KIAA1671: variants seen among roughly 807,000 people sequenced by gnomAD.
The protein encoded by KIAA1671 is KIAA1671, also known as uncharacterized protein KIAA1671.
Under a neutral mutation model 131.2 loss-of-function variants are expected in KIAA1671, and 52 were observed. The observed-to-expected ratio is 0.40, with a 90% CI of 0.32 to 0.50. The LOEUF (loss-of-function observed/expected upper bound fraction) is 0.50, where lower values mean the gene tolerates loss of function less well. Ranked by LOEUF, KIAA1671 falls within the 20% of genes least tolerant of loss-of-function variation. KIAA1671 has a pLI of 0.73. For missense variants in KIAA1671, 2,360 were observed against 2,364.2 expected (o/e 1.00, Z 0.04); for synonymous variants, 1,003 against 961.6 (o/e 1.04, Z -0.80).
At chr22:25,010,699 G>T (rs997735765) in intron 1 of KIAA1671, 1 of 152,140 alleles carries the variant, frequency 6.6e-6, no homozygotes, top group African/African-American at 2.4e-5. Flanking sequence ...GAATCCATTT[G>T]TGCCAAGCTC....
intron 1 of KIAA1671, among the ~76,000 whole-genome samples, chr22:25,005,610 C>G (rs910482383): frequency 1.9e-4 from 29 of 152,168 alleles, no homozygotes; most frequent in African/African-American, 7.0e-4. Context: ...AACCCAAGAC[C>G]TCTACTTTAC....
Position 24,999,977 on chromosome 22 carries a change from C to A in KIAA1671, c.-207-25656C>A, listed in dbSNP as rs1924351975. On this transcript the variant is annotated intron_variant, in intron 1 of 12. Transcript: ENST00000358431. ...TCAGTTCAGTGTAACCTCTGCCTCC[C>A]AGGTTCAAGCTATTCTCCTGCCTTA... Among the ~76,000 whole-genome samples the A allele has an allele frequency of 2.0e-5, 3 of 151,906 alleles. No individual in the cohort carries two copies. The South Asian group carries it at 6.3e-4, about 32-fold the overall frequency.
intron 6 of KIAA1671, among the ~76,000 whole-genome samples, chr22:25,129,663 T>C (rs1375048901): frequency 2.0e-5 from 3 of 146,706 alleles, no homozygotes; most frequent in African/African-American, 2.5e-5. Flanking sequence ...CTTTTCCTTT[T>C]TTTTTTTTTT....
At chr22:25,001,707 A>T (rs1013901446) in intron 1 of KIAA1671, among the ~76,000 whole-genome samples, 2 of 152,150 alleles carry the variant, frequency 1.3e-5, no homozygotes, top group African/African-American at 2.4e-5. Flanking sequence ...CTAACTCACG[A>T]GTCCCTGGAC....
intron 6 of KIAA1671, among the ~76,000 whole-genome samples, chr22:25,132,378 A>T (rs1296733321): frequency 6.6e-6 from 1 of 152,106 alleles, no homozygotes. Flanking sequence ...CAGGGCTGAG[A>T]CCCACTGGGG....
chr22:25,029,154 C>T lies in KIAA1671; in HGVS notation c.1155C>T (p.Pro385=). The T allele has an allele frequency of 4.8e-6, 7 of 1,456,290 alleles. No individual in the cohort carries two copies. The highest frequency in any genetic ancestry group is 6.4e-6 in the Non-Finnish European group (7 of 1,101,932). 90.2% of individuals were successfully genotyped at this position (1,456,290 alleles called of 1,614,324 possible). The change falls in exon 3 of 13, where the codon CCC becomes CCT. Residue 385 remains proline (P), a synonymous_variant. Coordinates refer to ENST00000358431, the MANE Select transcript of KIAA1671 (RefSeq NM_001145206.2). Reference sequence around the variant, plus strand: ...TCACCCCCAGCAATGACCAGAGTCCCTGGGAAGAAAAGGCCAAGCTGGACC... The same window carrying T: ...TCACCCCCAGCAATGACCAGAGTCCTTGGGAAGAAAAGGCCAAGCTGGACC... ...SGVTPSNDQS[P]WEEKAKLDPE... is the part of the protein sequence containing the mutation.
chr22:25,093,055 G>A lies in KIAA1671; in HGVS notation c.4530+43691G>A, dbSNP rs2145880341. ...GTTTTGGAAGCAGACAGGTTCCTGG[G>A]TTTAAGTCCAGCCGGCAAGTGACTA... On this transcript the variant is annotated intron_variant, in intron 6 of 12. Transcript: ENST00000358431. 2.0e-5 allele frequency among the ~76,000 whole-genome samples: 3 copies of A among 152,308 alleles called. 1 individual carries two copies. The South Asian group carries it at 6.2e-4, about 32-fold the overall frequency.
In KIAA1671 at chr22:25,070,140, T is replaced by C. The variant is rs1928734365; in HGVS notation, c.4530+20776T>C. 4 of 376,614 alleles carry C rather than the reference T, an allele frequency of 1.1e-5. No homozygotes were observed. The South Asian group carries it at 5.9e-4, about 56-fold the overall frequency. The allele number at this position is 376,614 out of a possible 1,614,324, so 23.3% of individuals were successfully genotyped here. On this transcript the variant is annotated intron_variant, in intron 6 of 12. Transcript: ENST00000358431. ...GCCCCACTGGACGAGAAGCCAGAGA[T>C]GCCCCGGGCGGGGCTCATAGGACCG...
chr22:25,154,401 CT>C (rs1293424903), intron 6 of KIAA1671, among the ~76,000 whole-genome samples: 3 of 152,256 alleles, frequency 2.0e-5, no homozygotes, highest in African/African-American at 7.2e-5. Context: ...ACAGGAACCA[CT>C]GCAGGAGCTC....
chr22:25,143,609 A>G (rs1181059891), intron 6 of KIAA1671, among the ~76,000 whole-genome samples: 2 of 152,010 alleles, frequency 1.3e-5, no homozygotes, highest in Non-Finnish European at 2.9e-5. Flanking sequence ...CATCTGACAG[A>G]TGTGGTTCCT....
At chr22:25,033,269 G>T (rs1340599060) in intron 4 of KIAA1671, among the ~76,000 whole-genome samples, 1 of 152,014 alleles carries the variant, frequency 6.6e-6, no homozygotes, top group Non-Finnish European at 1.5e-5. Flanking sequence ...GGTTGTGCAT[G>T]CCTATAGTTC....
intron 6 of KIAA1671, among the ~76,000 whole-genome samples, chr22:25,113,999 G>A (rs904264929): frequency 1.3e-5 from 2 of 152,158 alleles, no homozygotes; most frequent in East Asian, 1.9e-4. Context: ...GGGGAGTGGT[G>A]TGACCATGGG....
At chr22:25,006,377 A>G (rs1484177564) in intron 1 of KIAA1671, among the ~76,000 whole-genome samples, 2 of 152,146 alleles carry the variant, frequency 1.3e-5, no homozygotes, top group African/African-American at 4.8e-5. Context: ...TAGTAAATAC[A>G]TGGGAAGTAC....
intron 6 of KIAA1671, among the ~76,000 whole-genome samples, chr22:25,128,253 C>T (rs896049667): frequency 3.9e-5 from 6 of 152,094 alleles, no homozygotes; most frequent in Admixed American, 6.5e-5. Flanking sequence ...ACGTGGACAC[C>T]GCCCTTTAAG....
intron 11 of KIAA1671, chr22:25,186,508 A>T (rs967706781): frequency 1.3e-5 from 2 of 152,280 alleles, no homozygotes; most frequent in Non-Finnish European, 2.9e-5. Context: ...CCAGAGGTGG[A>T]AGTGGGAGGA....
At chr22:25,137,024 T>C (rs1484103855) in intron 6 of KIAA1671, among the ~76,000 whole-genome samples, 1 of 152,222 alleles carries the variant, frequency 6.6e-6, no homozygotes, top group Non-Finnish European at 1.5e-5. Flanking sequence ...CCTATTATTC[T>C]GTTCAAAGAT....
At chr22:25,172,338 C>T (rs141432533) in intron 7 of KIAA1671, among the ~76,000 whole-genome samples, 2,542 of 152,290 alleles carry the variant, frequency 0.017, 36 homozygotes, top group South Asian at 0.033. Flanking sequence ...TTCCCCTCCT[C>T]GGGCCACCCC....
chr22:24,982,332 G>A (rs1371940463), intron 1 of KIAA1671, among the ~76,000 whole-genome samples: 1 of 152,212 alleles, frequency 6.6e-6, no homozygotes, highest in East Asian at 1.9e-4. Flanking sequence ...GCTAGAAGTG[G>A]CCTTACTCTC....
At chr22:25,135,403 G>T (rs1158866386) in intron 6 of KIAA1671, among the ~76,000 whole-genome samples, 1 of 152,158 alleles carries the variant, frequency 6.6e-6, no homozygotes, top group Non-Finnish European at 1.5e-5. Flanking sequence ...AGCCAGGATG[G>T]TCTCGATCTC....
Sources: gnomAD v4.1 joint callset for allele counts (sites outside exome capture counted in the v4.1 genomes callset) on GRCh38, gnomAD v4.1.1 for gene constraint, MANE v1.5 for transcripts, NCBI Gene and HGNC (gene_info 2026-07-23, HGNC 2026-07-21) for gene names.